The following NSUN6 variants were observed in gnomAD, a reference collection of about 807,000 sequenced individuals.
NSUN6 encodes the protein tRNA (cytosine(72)-C(5))-methyltransferase NSUN6.
NSUN6 carries 64 observed loss-of-function variants against 58.0 expected under a neutral mutation model. That is an observed-to-expected ratio of 1.10 (90% CI 0.90 to 1.36). The LOEUF (loss-of-function observed/expected upper bound fraction) is 1.36. Ranked by LOEUF, NSUN6 falls within the 40% of genes most tolerant of loss-of-function variation. The pLI is 0.00. For synonymous variants in NSUN6, 231 were observed against 193.9 expected (o/e 1.19, Z -1.59); for missense variants, 701 against 550.1 (o/e 1.27, Z -2.74).
intron 6 of NSUN6, among the ~76,000 whole-genome samples, chr10:18,599,722 A>G (rs939942850): frequency 1.3e-5 from 2 of 152,328 alleles, no homozygotes; most frequent in East Asian, 1.9e-4. Flanking sequence ...AGGAGTATTT[A>G]TTGAATGCTC....
intron 2 of NSUN6, among the ~76,000 whole-genome samples, chr10:18,647,089 G>A (rs182866743): frequency 6.6e-6 from 1 of 152,236 alleles, no homozygotes; most frequent in East Asian, 1.9e-4. Context: ...AGATGCCATA[G>A]CTGGTTCTTC....
At chr10:18,623,900 T>C (rs917008311) in intron 3 of NSUN6, among the ~76,000 whole-genome samples, 1 of 152,098 alleles carries the variant, frequency 6.6e-6, no homozygotes, top group African/African-American at 2.4e-5. Context: ...CCCAGAAAAC[T>C]TATCTGACTA....
chr10:18,565,541 ATTCTCCG>A (rs1306189498), intron 8 of NSUN6, among the ~76,000 whole-genome samples: 1 of 146,452 alleles, frequency 6.8e-6, no homozygotes, highest in Non-Finnish European at 1.5e-5. Flanking sequence ...TACATTCTCC[ATTCTCCG>A]TGGCATTCCA....
At chr10:18,646,814 G>A (rs2059560362) in intron 2 of NSUN6, among the ~76,000 whole-genome samples, 1 of 152,190 alleles carries the variant, frequency 6.6e-6, no homozygotes, top group Admixed American at 6.5e-5. Context: ...CTGGGCGACA[G>A]AGTGAGACTC....
intron 3 of NSUN6, among the ~76,000 whole-genome samples, chr10:18,625,720 T>TTTA (rs2058772780): frequency 3.3e-4 from 18 of 53,790 alleles, no homozygotes; most frequent in Admixed American, 6.1e-4. Flanking sequence ...GTTTTTTTTT[T>TTTA]AAAAAAAAAA....
chr10:18,604,641 T>C (rs765741598), intron 6 of NSUN6, among the ~76,000 whole-genome samples: 10 of 152,046 alleles, frequency 6.6e-5, no homozygotes, highest in Non-Finnish European at 1.5e-4. Flanking sequence ...CCCAGCACTT[T>C]GGGAGGTTGA....
At chr10:18,644,845 A>C (rs2059495608) in intron 2 of NSUN6, among the ~76,000 whole-genome samples, 2 of 149,296 alleles carry the variant, frequency 1.3e-5, no homozygotes, top group African/African-American at 5.0e-5. Context: ...GTCTCAAAAA[A>C]AAAACAAAAA....
At chr10:18,548,271 C>G (rs1367703462) in intron 9 of NSUN6, 34 bp from the exon 10 acceptor site, 2 of 1,569,486 alleles carry the variant, frequency 1.3e-6, no homozygotes, top group Admixed American at 3.7e-5. Flanking sequence ...ACACACAGCA[C>G]AAGACCAGAT....
At chr10:18,548,619 T>G (rs1020873463) in intron 9 of NSUN6, among the ~76,000 whole-genome samples, 1 of 152,184 alleles carries the variant, frequency 6.6e-6, no homozygotes, top group Non-Finnish European at 1.5e-5. Flanking sequence ...CTTATTTTTT[T>G]AAATAGAGAT....
intron 3 of NSUN6, among the ~76,000 whole-genome samples, chr10:18,636,536 G>T (rs2059220222): frequency 6.6e-6 from 1 of 151,708 alleles, no homozygotes; most frequent in Admixed American, 6.6e-5. Context: ...CAAACTAGGT[G>T]GTAGGAATTT....
intron 3 of NSUN6, among the ~76,000 whole-genome samples, chr10:18,641,252 ATATT>A (rs2059383317): frequency 6.6e-6 from 1 of 152,064 alleles, no homozygotes; most frequent in Non-Finnish European, 1.5e-5. Context: ...AAGCATTTCT[ATATT>A]TATTATAATT....
intron 6 of NSUN6, among the ~76,000 whole-genome samples, chr10:18,600,119 C>G (rs374243669): frequency 6.6e-6 from 1 of 152,190 alleles, no homozygotes; most frequent in Non-Finnish European, 1.5e-5. Context: ...CACTAAAAAG[C>G]CCCCATCACA....
chr10:18,559,401 GGGAATGGAATGGGGAAT>G (rs771605983), intron 8 of NSUN6, among the ~76,000 whole-genome samples: 1,613 of 149,854 alleles, frequency 0.011, 9 homozygotes, highest in Non-Finnish European at 0.018. Flanking sequence ...GAAAGGAATG[GGGAATGGAATGGGGAAT>G]GGAATGGAAT....
chr10:18,606,677 A>C (rs530468893), intron 6 of NSUN6, among the ~76,000 whole-genome samples: 1 of 152,220 alleles, frequency 6.6e-6, no homozygotes, highest in Non-Finnish European at 1.5e-5. Flanking sequence ...TTGCAAATCT[A>C]TAATTCTAAA....
intron 8 of NSUN6, among the ~76,000 whole-genome samples, chr10:18,581,924 C>A (rs184134663): frequency 6.6e-6 from 1 of 152,180 alleles, no homozygotes; most frequent in East Asian, 1.9e-4. Context: ...TTTCACTTTA[C>A]TCTATGAACT....
chr10:18,655,944 G>A (rs187292273), upstream of NSUN6, among the ~76,000 whole-genome samples: 1 of 152,190 alleles, frequency 6.6e-6, no homozygotes, highest in East Asian at 1.9e-4. Flanking sequence ...ATAGACCTAC[G>A]GCTAGTTTGA....
chr10:18,569,818 C>T (rs1311794546), intron 8 of NSUN6, among the ~76,000 whole-genome samples: 1 of 150,404 alleles, frequency 6.6e-6, no homozygotes, highest in South Asian at 2.1e-4. Context: ...TTCTCTATTC[C>T]ATTCTCCATA....
chr10:18,581,640 C>A (rs1395102052), intron 8 of NSUN6, among the ~76,000 whole-genome samples: 1 of 152,144 alleles, frequency 6.6e-6, no homozygotes, highest in Non-Finnish European at 1.5e-5. Flanking sequence ...TCGTGGCCAA[C>A]ATGGTGAAAC....
chr10:18,585,278 G>C (rs1012390086), intron 8 of NSUN6, among the ~76,000 whole-genome samples: 1 of 152,100 alleles, frequency 6.6e-6, no homozygotes, highest in Non-Finnish European at 1.5e-5. Flanking sequence ...AAAGTAAATA[G>C]AACTACCAAA....
Sources: gnomAD v4.1 joint callset for allele counts (sites outside exome capture counted in the v4.1 genomes callset) on GRCh38, gnomAD v4.1.1 for gene constraint, MANE v1.5 for transcripts, NCBI Gene and HGNC (gene_info 2026-07-23, HGNC 2026-07-21) for gene names.